Variants in R3HDM4 observed in about 807,000 individuals in gnomAD.
R3HDM4 encodes R3H domain containing 4, also known as R3H domain-containing protein 4.
Under a neutral mutation model 31.3 loss-of-function variants are expected in R3HDM4, and 30 were observed. That is an observed-to-expected ratio of 0.96 (90% CI 0.72 to 1.30). The LOEUF (loss-of-function observed/expected upper bound fraction) is 1.30, where lower values mean the gene tolerates loss of function less well. Among genes scored for constraint, R3HDM4 ranks in the 50% most tolerant of loss-of-function variants. R3HDM4 has a pLI of 0.00. For synonymous variants in R3HDM4, 196 were observed against 156.6 expected (o/e 1.25, Z -1.88); for missense variants, 444 against 366.1 (o/e 1.21, Z -1.74).
Position 913,106 on chromosome 19 carries a change from G to C in R3HDM4, c.52C>G (p.Pro18Ala), listed in dbSNP as rs1395520915. The C allele has an allele frequency of 9.2e-7, 1 of 1,083,226 alleles. No homozygotes were observed. The highest frequency in any genetic ancestry group is 1.1e-6 in the Non-Finnish European group (1 of 894,146). 67.1% of individuals were successfully genotyped at this position (1,083,226 alleles called of 1,614,324 possible). Reference protein sequence around the residue: ...ECGPEAAEGTPGGRRLLPLPS... With the variant: ...ECGPEAAEGTAGGRRLLPLPS... Reference sequence around the variant, plus strand: ...GCTCACAGCAGCCGCCGCCCGCCCGGGGTGCCCTCCGCCGCCTCCGGGCCG... The same window carrying C: ...GCTCACAGCAGCCGCCGCCCGCCCGCGGTGCCCTCCGCCGCCTCCGGGCCG... The change falls in exon 1 of 8, where the codon CCG becomes GCG. Residue 18 changes from proline (P) to alanine (A), a missense_variant. Transcript: ENST00000361574. The surrounding 1 kb of genome is among the most constrained non-coding windows in gnomAD (Gnocchi z 5.0).
Position 900,862 on chromosome 19 carries a change from T to A in R3HDM4, c.442A>T (p.Arg148Trp). 1 of 1,474,806 alleles carries A rather than the reference T, an allele frequency of 6.8e-7. No individual in the cohort carries two copies. The highest frequency in any genetic ancestry group is 9.0e-7 in the Non-Finnish European group (1 of 1,105,040). The allele number at this position is 1,474,806 out of a possible 1,614,324, so 91.4% of individuals were successfully genotyped here. Reference protein sequence around the residue: ...EDEGRSKARRRGPGRGEDRRR... With the variant: ...EDEGRSKARRWGPGRGEDRRR... Reference sequence around the variant, plus strand: ...CGGTCCTCCCCACGGCCAGGGCCCCTCCTCCGCGCCTTGCTCCTGCCCTCA... The same window carrying A: ...CGGTCCTCCCCACGGCCAGGGCCCCACCTCCGCGCCTTGCTCCTGCCCTCA... The change falls in exon 4 of 8, where the codon AGG becomes TGG. Residue 148 changes from arginine to tryptophan, a missense_variant. Physicochemically the swap from Arg to Trp is moderately radical, Grantham distance 101. Coordinates refer to ENST00000361574, the MANE Select transcript of R3HDM4 (RefSeq NM_138774.4).
chr19:905,091 C>A (rs1402756809), intron 1 of R3HDM4, among the ~76,000 whole-genome samples: 1 of 152,010 alleles, frequency 6.6e-6, no homozygotes, highest in Non-Finnish European at 1.5e-5. Flanking sequence ...ACCTGTAATT[C>A]CAGTTACACA....
rs2036921045 is a variant in R3HDM4, at chr19:907,463, G to A, written c.72-5333C>T. ...GGGGAAGTCAGAGGGGGCGGGGCTC[G>A]GTGACACAGCTCAAGCCCTCCCAGC... On this transcript the variant is annotated intron_variant, in intron 1 of 7. Transcript: ENST00000361574. The surrounding 1 kb of genome is among the most constrained non-coding windows in gnomAD (Gnocchi z 4.1). Among the ~76,000 whole-genome samples, 1 of 152,122 alleles carries A rather than the reference G, an allele frequency of 6.6e-6. No individual in the cohort carries two copies. The highest frequency in any genetic ancestry group is 2.1e-4 in the South Asian group (1 of 4,824).
At chr19:906,414 T>C (rs1040811676) in intron 1 of R3HDM4, among the ~76,000 whole-genome samples, 7 of 151,794 alleles carry the variant, frequency 4.6e-5, no homozygotes, top group African/African-American at 1.5e-4. Context: ...AGAGATGGGG[T>C]TTACCGTGTC....
chr19:911,132 C>T (rs1038419568), intron 1 of R3HDM4, among the ~76,000 whole-genome samples: 1 of 144,302 alleles, frequency 6.9e-6, no homozygotes, highest in South Asian at 2.2e-4. Flanking sequence ...AAAAAATAAA[C>T]AAATAAATAA....
Position 905,514 on chromosome 19 carries a change from A to C in R3HDM4, c.72-3384T>G, listed in dbSNP as rs1177846249. 3.3e-5 allele frequency among the ~76,000 whole-genome samples: 5 copies of C among 149,874 alleles called. No individual in the cohort carries two copies. In the South Asian group the frequency reaches 8.5e-4, roughly 25 times the overall value. On this transcript the variant is annotated intron_variant, in intron 1 of 7. Transcript: ENST00000361574. ...GAGTGAAACTCTGTCTCAAAAAAAA[A>C]AAAAAAAACAAAACAAAACAATTAG... is the stretch of plus-strand genomic sequence containing the variant.
At chr19:902,350 C>T (rs1431163537) in intron 1 of R3HDM4, 6 of 559,938 alleles carry the variant, frequency 1.1e-5, no homozygotes, top group Middle Eastern at 4.9e-4. Context: ...TGGCTCATGC[C>T]GGTGATCCCA....
intron 1 of R3HDM4, among the ~76,000 whole-genome samples, chr19:904,081 T>C (rs1050494012): frequency 1.3e-5 from 2 of 152,070 alleles, no homozygotes; most frequent in Non-Finnish European, 2.9e-5. Flanking sequence ...ACCGTAATGC[T>C]AGCTCCACTG....
At chr19:902,933 C>T (rs192597032) in intron 1 of R3HDM4, among the ~76,000 whole-genome samples, 94 of 152,180 alleles carry the variant, frequency 6.2e-4, no homozygotes, top group African/African-American at 1.9e-3. Flanking sequence ...CGGAGTGAGA[C>T]CTTGTCTCAA....
chr19:902,292 C>T, intron 1 of R3HDM4, 162 bp from the exon 2 acceptor site: 3 of 701,410 alleles, frequency 4.3e-6, no homozygotes, highest in Non-Finnish European at 4.7e-6. Flanking sequence ...TTGTTTCATC[C>T]TCACATCACA....
At position 899,455 on chromosome 19, in the gene R3HDM4, C is replaced by T; in HGVS notation, c.688G>A (p.Asp230Asn). Reference sequence around the variant, plus strand: ...CGGCACTTACTGGCCGAGATGAGGTCCATGTACTGGCAGACAGCGTGCAGC... The same window carrying T: ...CGGCACTTACTGGCCGAGATGAGGTTCATGTACTGGCAGACAGCGTGCAGC... ...LLLHAVCQYM[D>N]LISASADLEG... The change falls in exon 7 of 8, where the codon GAC (aspartate) becomes AAC (asparagine). Residue 230 changes from aspartate (D) to asparagine (N), a missense_variant. Coordinates refer to ENST00000361574, the MANE Select transcript of R3HDM4 (RefSeq NM_138774.4). The surrounding 1 kb of genome is among the most constrained non-coding windows in gnomAD (Gnocchi z 6.8). 1 of 1,613,706 alleles carries T rather than the reference C, an allele frequency of 6.2e-7. No individual in the cohort carries two copies. The highest frequency in any genetic ancestry group is 8.5e-7 in the Non-Finnish European group (1 of 1,179,954).
chr19:899,621 G>A lies in R3HDM4; in HGVS notation c.627C>T (p.Tyr209=). ...CTTACCTGTTGTCTAGCATTGCTGT[G>A]TACACGGCCTGGGGGGACACGGAGA... ...RFFSVSPQAV[Y]TAMLDNSFER... Residue 209 remains tyrosine, a synonymous_variant, in exon 6 of 8, where the codon TAC becomes TAT. Coordinates refer to ENST00000361574, the MANE Select transcript of R3HDM4 (RefSeq NM_138774.4). The surrounding 1 kb of genome is among the most constrained non-coding windows in gnomAD (Gnocchi z 6.8). 6.2e-7 allele frequency: 1 copy of A among 1,611,724 alleles called. No individual in the cohort carries two copies. The highest frequency in any genetic ancestry group is 8.5e-7 in the Non-Finnish European group (1 of 1,179,134).
At chr19:906,972 C>T (rs190820579) in intron 1 of R3HDM4, among the ~76,000 whole-genome samples, 176 of 152,168 alleles carry the variant, frequency 1.2e-3, no homozygotes, top group Admixed American at 2.8e-3. Context: ...CCCACCACCA[C>T]GCCTGGTTAA....
At chr19:898,764 C>T (rs1025528378) in intron 7 of R3HDM4, among the ~76,000 whole-genome samples, 1 of 152,184 alleles carries the variant, frequency 6.6e-6, no homozygotes, top group Non-Finnish European at 1.5e-5. Flanking sequence ...CCACCAAGCT[C>T]CAAGCCCCGC....
intron 1 of R3HDM4, among the ~76,000 whole-genome samples, chr19:912,603 G>A (rs1161500007): frequency 1.9e-5 from 2 of 104,736 alleles, no homozygotes; most frequent in African/African-American, 7.4e-5. Context: ...GGAGTGGGGG[G>A]AGTCGGACCC....
At chr19:898,908 G>A (rs1027316082) in intron 7 of R3HDM4, among the ~76,000 whole-genome samples, 3 of 152,224 alleles carry the variant, frequency 2.0e-5, no homozygotes, top group African/African-American at 4.8e-5. Context: ...GGGCGGCAGA[G>A]ACAGGTGTGA....
chr19:905,505 CAAAAA>C (rs71335321), intron 1 of R3HDM4, among the ~76,000 whole-genome samples: 1 of 101,044 alleles, frequency 9.9e-6, no homozygotes, highest in African/African-American at 4.2e-5. Context: ...AACTCTGTCT[CAAAAA>C]AAAAAAAAAA....
chr19:906,180 A>C (rs2036902948), intron 1 of R3HDM4, among the ~76,000 whole-genome samples: 1 of 149,382 alleles, frequency 6.7e-6, no homozygotes, highest in Admixed American at 6.6e-5. Context: ...GCCCGCCACC[A>C]CGCCTGGCTA....
chr19:912,943 G>A, intron 1 of R3HDM4, 144 bp downstream of exon 1: 1 of 223,450 alleles, frequency 4.5e-6, no homozygotes, highest in Non-Finnish European at 7.7e-6. Context: ...CTGAAGCCCC[G>A]GAAGATGAGC....
Sources: allele counts gnomAD v4.1 joint callset (sites outside exome capture counted in the v4.1 genomes callset), GRCh38; gene constraint gnomAD v4.1.1; non-coding constraint Gnocchi (gnomAD v3.1); transcripts MANE v1.5; gene names NCBI Gene and HGNC (gene_info 2026-07-23, HGNC 2026-07-21).